Variants in ERCC6L2 observed in about 807,000 individuals in gnomAD.
The protein encoded by ERCC6L2 is DNA excision repair protein ERCC-6-like 2.
In ERCC6L2, 77 loss-of-function variants were observed where a neutral mutation model predicts 132.0. The ratio of observed to expected loss-of-function variants is 0.58; its 90% CI spans 0.49 to 0.71. The LOEUF (loss-of-function observed/expected upper bound fraction) is 0.71. Among genes scored for constraint, ERCC6L2 ranks in the 30% least tolerant of loss-of-function variants. The pLI is 0.00. For missense variants in ERCC6L2, 1,542 were observed against 1,837.6 expected (o/e 0.84, Z 2.94); for synonymous variants, 583 against 632.4 (o/e 0.92, Z 1.17).
intron 17 of ERCC6L2, among the ~76,000 whole-genome samples, chr9:95,981,436 T>C (rs750605651): frequency 2.6e-5 from 4 of 152,270 alleles, no homozygotes; most frequent in African/African-American, 4.8e-5. Context: ...ACATATTTTA[T>C]AAATGTTCTG....
chr9:96,033,193 T>A (rs1313249515), intron 19 of ERCC6L2, among the ~76,000 whole-genome samples: 1 of 152,180 alleles, frequency 6.6e-6, no homozygotes, highest in African/African-American at 2.4e-5. Flanking sequence ...TGTTTCCAGT[T>A]TGAATCTGAC....
chr9:95,936,675 A>G (rs1830566855), intron 11 of ERCC6L2, among the ~76,000 whole-genome samples: 1 of 152,172 alleles, frequency 6.6e-6, no homozygotes, highest in Non-Finnish European at 1.5e-5. Flanking sequence ...ACTGTAGTAC[A>G]TTATCACAAC....
intron 11 of ERCC6L2, among the ~76,000 whole-genome samples, chr9:95,937,925 C>T (rs1187856516): frequency 6.6e-6 from 1 of 151,080 alleles, no homozygotes; most frequent in African/African-American, 2.4e-5. Context: ...TAATTTTTTT[C>T]TAATATAAGC....
intron 19 of ERCC6L2, among the ~76,000 whole-genome samples, chr9:96,024,054 C>T (rs1399062307): frequency 2.0e-5 from 3 of 152,190 alleles, no homozygotes; most frequent in Non-Finnish European, 4.4e-5. Flanking sequence ...TACTTAGCAA[C>T]GTTGCATCTA....
At chr9:95,946,362 A>T (rs2132914916) in intron 12 of ERCC6L2, among the ~76,000 whole-genome samples, 1 of 152,212 alleles carries the variant, frequency 6.6e-6, no homozygotes, top group South Asian at 2.1e-4. Flanking sequence ...CCCCGTCTCT[A>T]GTAAAAATAT....
chr9:95,953,534 C>T (rs1831445966), intron 12 of ERCC6L2, among the ~76,000 whole-genome samples: 2 of 146,594 alleles, frequency 1.4e-5, no homozygotes, highest in African/African-American at 5.1e-5. Context: ...TAGATTGAGC[C>T]ATTGCACTCC....
intron 11 of ERCC6L2, among the ~76,000 whole-genome samples, chr9:95,931,611 T>A (rs369918005): frequency 4.6e-5 from 7 of 152,336 alleles, no homozygotes; most frequent in Non-Finnish European, 8.8e-5. Flanking sequence ...AATTCTAAAT[T>A]GAAAATCATT....
intron 13 of ERCC6L2, among the ~76,000 whole-genome samples, chr9:95,959,585 G>A (rs1474105007): frequency 6.6e-6 from 1 of 151,974 alleles, no homozygotes; most frequent in Non-Finnish European, 1.5e-5. Context: ...CCATCAGAGT[G>A]AACAGGCAGC....
chr9:95,928,276 A>G, intron 10 of ERCC6L2, 126 bp downstream of exon 10: 3 of 552,902 alleles, frequency 5.4e-6, no homozygotes, highest in Middle Eastern at 3.3e-4. Flanking sequence ...GGAAATAGTG[A>G]GGTAAGCAAC....
At position 95,929,067 on chromosome 9, in the gene ERCC6L2, A is replaced by T. The variant is rs560730265; in HGVS notation, c.1751+203A>T. On this transcript the variant is annotated intron_variant, in intron 11 of 18. Coordinates refer to ENST00000653738, the MANE Select transcript of ERCC6L2 (RefSeq NM_020207.7). ...CCTTTATCAACATTGAATTCCTCTT[A>T]GAAGTCTGGGTTTATAAAGGTAACA... The T allele has an allele frequency of 5.0e-4, 199 of 398,152 alleles. 1 individual carries two copies. Among genetic ancestry groups the T allele is most frequent in the Middle Eastern group, 2.1e-3 (3 of 1,454 alleles). 24.7% of individuals were successfully genotyped at this position (398,152 alleles called of 1,614,324 possible).
At chr9:95,894,671 C>T (rs756765970) in intron 2 of ERCC6L2, among the ~76,000 whole-genome samples, 10 of 148,926 alleles carry the variant, frequency 6.7e-5, no homozygotes, top group African/African-American at 7.5e-5. Context: ...CTTGGCTCAC[C>T]GCAACCTCCA....
chr9:95,966,813 C>T, intron 14 of ERCC6L2, 99 bp downstream of exon 14: 1 of 1,077,824 alleles, frequency 9.3e-7, no homozygotes, highest in Non-Finnish European at 1.2e-6. Flanking sequence ...TTCAGAGAAA[C>T]TTTTGGTTTT....
In ERCC6L2 at chr9:96,012,245, C is replaced by T; in HGVS notation, c.3695C>T (p.Ala1232Val). ...GIRRKQFEEMASYFNSSSVNE... is the reference protein window; with the variant it reads ...GIRRKQFEEMVSYFNSSSVNE... ...TTTAGAAAACAATTTGAAGAAATGG[C>T]CTCTTATTTTAACTCGTCTTCTGTA... The change falls in exon 19 of 19, where the codon GCC (alanine) becomes GTC (valine). Residue 1232 changes from alanine (A) to valine (V), a missense_variant. Coordinates refer to ENST00000653738, the MANE Select transcript of ERCC6L2 (RefSeq NM_020207.7). The T allele has an allele frequency of 7.9e-7, 1 of 1,269,116 alleles. No individual in the cohort carries two copies. Among genetic ancestry groups the T allele is most frequent in the Non-Finnish European group, 1.0e-6 (1 of 969,906 alleles). 78.6% of individuals were successfully genotyped at this position (1,269,116 alleles called of 1,614,324 possible). A position where few individuals can be genotyped will look rare whatever the true frequency, so the allele number is the denominator to read the frequency against.
chr9:95,915,662 T>C lies in ERCC6L2; in HGVS notation c.789-6T>C. On this transcript the variant is annotated splice_polypyrimidine_tract_variant and splice_region_variant and intron_variant, in intron 4 of 18. Coordinates refer to ENST00000653738, the MANE Select transcript of ERCC6L2 (RefSeq NM_020207.7). ...AACCTCACCCTTCTTTTTTCTTACT[T>C]TATAGTTTGGAATGGTCAGCTGTCA... The C allele has an allele frequency of 6.2e-7, 1 of 1,603,002 alleles. No homozygotes were observed. Among genetic ancestry groups the C allele is most frequent in the Non-Finnish European group, 8.5e-7 (1 of 1,175,696 alleles).
intron 17 of ERCC6L2, among the ~76,000 whole-genome samples, chr9:95,991,227 G>C (rs1369075259): frequency 2.0e-5 from 3 of 152,104 alleles, no homozygotes; most frequent in Non-Finnish European, 4.4e-5. Context: ...GCTTAAGGGT[G>C]GGGTTTAGAT....
At position 95,955,941 on chromosome 9, in the gene ERCC6L2, T is replaced by G. The variant is rs1429689801; in HGVS notation, c.1875T>G (p.Asp625Glu). The G allele has an allele frequency of 6.2e-7, 1 of 1,605,686 alleles. No individual in the cohort carries two copies. The highest frequency in any genetic ancestry group is 8.5e-7 in the Non-Finnish European group (1 of 1,176,138). ...DRAYRIGQCR[D>E]VKVLRLISLG... Reference sequence around the variant, plus strand: ...CATATAGGATTGGACAATGTAGAGATGTCAAAGTGCTTAGGCTGATATCCT... The same window carrying G: ...CATATAGGATTGGACAATGTAGAGAGGTCAAAGTGCTTAGGCTGATATCCT... Residue 625 changes from aspartate (D) to glutamate (E), a missense_variant, in exon 13 of 19, where the codon GAT (aspartate) becomes GAG (glutamate). Asp to Glu is a conservative substitution (Grantham distance 45). This residue lies in a region of ERCC6L2 where 945 missense variants were observed against 1,105.2 expected (regional missense o/e 0.86). Transcript: ENST00000653738.
intron 2 of ERCC6L2, among the ~76,000 whole-genome samples, chr9:95,895,762 C>T (rs1353566325): frequency 1.4e-5 from 2 of 143,526 alleles, no homozygotes; most frequent in Admixed American, 7.1e-5. Flanking sequence ...GAGTCTTGCT[C>T]TGTTGCCCAG....
At chr9:95,957,491 G>A (rs185337083) in intron 13 of ERCC6L2, among the ~76,000 whole-genome samples, 76 of 151,672 alleles carry the variant, frequency 5.0e-4, no homozygotes, top group Admixed American at 4.7e-3. Flanking sequence ...GGAAAAAGTG[G>A]GAAGTTACTC....
intron 12 of ERCC6L2, among the ~76,000 whole-genome samples, chr9:95,950,657 A>G (rs762118233): frequency 6.6e-6 from 1 of 152,244 alleles, no homozygotes; most frequent in South Asian, 2.1e-4. Flanking sequence ...AAGATATTTC[A>G]TGCAAATAGT....
Sources: allele counts gnomAD v4.1 joint callset (sites outside exome capture counted in the v4.1 genomes callset), GRCh38; gene constraint gnomAD v4.1.1; regional missense constraint gnomAD v4.1.1; transcripts MANE v1.5; gene names NCBI Gene and HGNC (gene_info 2026-07-23, HGNC 2026-07-21).